Variants in TENM4 observed in about 807,000 individuals in gnomAD.
TENM4 encodes the protein teneurin transmembrane protein 4.
Under a neutral mutation model 243.3 loss-of-function variants are expected in TENM4, and 82 were observed. The ratio of observed to expected loss-of-function variants is 0.34; its 90% CI spans 0.28 to 0.40. The LOEUF (loss-of-function observed/expected upper bound fraction) is 0.40. Among genes scored for constraint, TENM4 ranks in the 10% least tolerant of loss-of-function variants. The probability of loss-of-function intolerance (pLI) is 1.00; values close to 1 mark genes in which losing one functional copy is unlikely to be tolerated. For synonymous variants in TENM4, 1,412 were observed against 1,456.3 expected, an observed-to-expected ratio of 0.97 and a Z score of 0.69; for missense variants, 3,138 against 3,673.3, an observed-to-expected ratio of 0.85 and a Z score of 3.77.
chr11:79,186,232 C>G (rs891627702), intron 3 of TENM4, among the ~76,000 whole-genome samples: 1 of 152,038 alleles, frequency 6.6e-6, no homozygotes, highest in Admixed American at 6.6e-5. Flanking sequence ...AGCTAGTGAC[C>G]AGGCTGGGAG....
intron 1 of TENM4, among the ~76,000 whole-genome samples, chr11:79,382,274 G>A (rs1288074038): frequency 2.0e-5 from 3 of 152,136 alleles, no homozygotes; most frequent in Non-Finnish European, 4.4e-5. Context: ...GGTTCTCTGG[G>A]GATTAGAGGT....
intron 12 of TENM4, among the ~76,000 whole-genome samples, chr11:78,852,408 G>A (rs1858561594): frequency 6.6e-6 from 1 of 152,182 alleles, no homozygotes; most frequent in Non-Finnish European, 1.5e-5. Context: ...CCAGGGGCTG[G>A]GCATGGTGGC....
chr11:79,399,367 G>A (rs1389998694), intron 1 of TENM4, among the ~76,000 whole-genome samples: 2 of 152,142 alleles, frequency 1.3e-5, no homozygotes, highest in Non-Finnish European at 2.9e-5. Context: ...AATGCTTATG[G>A]ACAAGGACTA....
chr11:78,783,859 C>G (rs1160725759), intron 16 of TENM4, among the ~76,000 whole-genome samples: 1 of 152,196 alleles, frequency 6.6e-6, no homozygotes, highest in African/African-American at 2.4e-5. Flanking sequence ...ATAATCTGCT[C>G]TGGGAAATGT....
chr11:79,364,639 C>G (rs1474312315), intron 1 of TENM4, among the ~76,000 whole-genome samples: 1 of 152,210 alleles, frequency 6.6e-6, no homozygotes, highest in Non-Finnish European at 1.5e-5. Flanking sequence ...TCTGCACTAT[C>G]TAATTTAATC....
intron 1 of TENM4, among the ~76,000 whole-genome samples, chr11:79,303,273 T>G (rs1856577985): frequency 6.6e-6 from 1 of 152,228 alleles, no homozygotes; most frequent in South Asian, 2.1e-4. Context: ...GAATCAGAGT[T>G]TGGGTTTTAC....
At chr11:78,877,703 G>A (rs1859304931) in intron 9 of TENM4, among the ~76,000 whole-genome samples, 1 of 152,140 alleles carries the variant, frequency 6.6e-6, no homozygotes, top group African/African-American at 2.4e-5. Context: ...AGCTGCTGCT[G>A]TTATTATTAA....
At chr11:79,335,804 G>A (rs1346693500) in intron 1 of TENM4, among the ~76,000 whole-genome samples, 3 of 152,174 alleles carry the variant, frequency 2.0e-5, no homozygotes, top group South Asian at 2.1e-4. Context: ...ATAGGAGCCC[G>A]CAGCTTGCAG....
intron 9 of TENM4, among the ~76,000 whole-genome samples, chr11:78,865,610 A>C (rs577865726): frequency 1.3e-5 from 2 of 152,166 alleles, no homozygotes; most frequent in Non-Finnish European, 2.9e-5. Flanking sequence ...TGTGACTGCC[A>C]TCAAGACACA....
rs76717786 is a variant in TENM4 at position 78,732,909 on chromosome 11, G to T, written c.2877-332C>A. Among the ~76,000 whole-genome samples the T allele has an allele frequency of 4.5e-4, 68 of 152,316 alleles. No homozygotes were observed. The East Asian group carries it at 8.1e-3, about 18-fold the overall frequency. On this transcript the variant is annotated intron_variant, in intron 20 of 33. Transcript: ENST00000278550. The stretch of plus-strand genomic sequence containing the variant: ...CAACCATGTCAGAGCTGAAAGCCCA[G>T]TGAAAAGTCAGTGAATAAAGTAGGG...
chr11:79,107,665 C>T (rs1003144991), intron 4 of TENM4, among the ~76,000 whole-genome samples: 6 of 152,214 alleles, frequency 3.9e-5, no homozygotes, highest in African/African-American at 9.7e-5. Context: ...CAGATCACTC[C>T]GCTCATCAAT....
chr11:79,008,615 T>C (rs1858554280), intron 6 of TENM4, among the ~76,000 whole-genome samples: 1 of 152,240 alleles, frequency 6.6e-6, no homozygotes, highest in African/African-American at 2.4e-5. Context: ...AATATTACAT[T>C]AGCTTGGTAT....
chr11:79,412,802 A>G (rs569379472), intron 1 of TENM4, among the ~76,000 whole-genome samples: 2 of 152,156 alleles, frequency 1.3e-5, no homozygotes, highest in African/African-American at 2.4e-5. Flanking sequence ...TTCTTCTCCT[A>G]TCTGCTCCCA....
chr11:79,434,233 A>T (rs1332862445), intron 1 of TENM4, among the ~76,000 whole-genome samples: 1 of 152,158 alleles, frequency 6.6e-6, no homozygotes, highest in East Asian at 1.9e-4. Context: ...TGATTGATTG[A>T]TTGGGCCCTG....
intron 28 of TENM4, among the ~76,000 whole-genome samples, chr11:78,698,973 T>C (rs1207759836): frequency 6.6e-6 from 1 of 152,230 alleles, no homozygotes; most frequent in Admixed American, 6.5e-5. Context: ...CATATTTGAT[T>C]CTGCTCTTCT....
At chr11:79,381,523 T>C (rs1858002931) in intron 1 of TENM4, among the ~76,000 whole-genome samples, 1 of 150,946 alleles carries the variant, frequency 6.6e-6, no homozygotes, top group African/African-American at 2.4e-5. Flanking sequence ...TTCAACCCGT[T>C]GACCGAATTG....
intron 6 of TENM4, among the ~76,000 whole-genome samples, chr11:79,013,454 C>T (rs1209074002): frequency 6.6e-6 from 1 of 152,248 alleles, no homozygotes; most frequent in African/African-American, 2.4e-5. Flanking sequence ...CCCCCAACCC[C>T]CTTCACTGTG....
chr11:78,786,553 C>A (rs1157177246), intron 16 of TENM4, among the ~76,000 whole-genome samples: 2 of 152,216 alleles, frequency 1.3e-5, no homozygotes, highest in Non-Finnish European at 2.9e-5. Flanking sequence ...ACGGGGCTTG[C>A]CCATAGCTGC....
chr11:79,400,311 T>A (rs1391694017), intron 1 of TENM4, among the ~76,000 whole-genome samples: 2 of 141,014 alleles, frequency 1.4e-5, no homozygotes, highest in Non-Finnish European at 3.1e-5. Context: ...TCCTTAACCA[T>A]TTTTTTTTTT....
Sources: gnomAD v4.1 joint callset for allele counts (sites outside exome capture counted in the v4.1 genomes callset) on GRCh38, gnomAD v4.1.1 for gene constraint, MANE v1.5 for transcripts, NCBI Gene and HGNC (gene_info 2026-07-23, HGNC 2026-07-21) for gene names.